Variants in GRID2 observed in about 807,000 individuals in gnomAD.
GRID2 encodes the protein glutamate ionotropic receptor delta type subunit 2.
GRID2 carries 33 observed loss-of-function variants against 114.8 expected under a neutral mutation model. The observed-to-expected ratio is 0.29, with a 90% CI of 0.22 to 0.38. GRID2 has a LOEUF of 0.38. GRID2 is among the 10% of genes least tolerant of loss of function. The pLI is 1.00. For synonymous variants in GRID2, 505 were observed against 449.9 expected (o/e 1.12, Z -1.55); for missense variants, 1,184 against 1,257.7 (o/e 0.94, Z 0.89).
chr4:93,594,143 G>T (rs1239743121), intron 13 of GRID2, among the ~76,000 whole-genome samples: 1 of 152,126 alleles, frequency 6.6e-6, no homozygotes, highest in African/African-American at 2.4e-5. Context: ...GCTTTTTAGA[G>T]TTTCCAGTTT....
At chr4:92,785,691 G>A (rs1391967786) in intron 2 of GRID2, among the ~76,000 whole-genome samples, 26 of 151,704 alleles carry the variant, frequency 1.7e-4, no homozygotes, top group Admixed American at 1.7e-3. Context: ...GTGTAGTTAA[G>A]CTTTTTAAAT....
chr4:92,509,854 A>T (rs903423956), intron 1 of GRID2, among the ~76,000 whole-genome samples: 1 of 151,928 alleles, frequency 6.6e-6, no homozygotes, highest in Non-Finnish European at 1.5e-5. Flanking sequence ...ATCATACTTT[A>T]AAAAATAGAG....
chr4:93,289,207 T>C (rs1340755219), intron 8 of GRID2, among the ~76,000 whole-genome samples: 1 of 152,192 alleles, frequency 6.6e-6, no homozygotes, highest in African/African-American at 2.4e-5. Context: ...CTAGTAGTCG[T>C]TTTGCTTGAA....
chr4:93,637,211 G>A lies in GRID2; in HGVS notation c.2360+10776G>A, dbSNP rs187210433. ...TATGCTGTAGACTAAAATAGTAGTC[G>A]ACATTCATTGAAAACTCACCAGGTG... On this transcript the variant is annotated intron_variant, in intron 14 of 15. Transcript: ENST00000282020. 2.9e-3 allele frequency among the ~76,000 whole-genome samples: 443 copies of A among 152,144 alleles called. 1 individual carries two copies. The highest frequency in any genetic ancestry group is 5.2e-3 in the Non-Finnish European group (356 of 67,994).
chr4:93,019,584 A>G (rs1345716953), intron 2 of GRID2, among the ~76,000 whole-genome samples: 4 of 152,274 alleles, frequency 2.6e-5, no homozygotes, highest in African/African-American at 9.6e-5. Flanking sequence ...TAAAAATAAT[A>G]AAAAAGGGCA....
intron 1 of GRID2, among the ~76,000 whole-genome samples, chr4:92,420,134 T>A (rs1579329458): frequency 6.6e-6 from 1 of 152,108 alleles, no homozygotes; most frequent in Non-Finnish European, 1.5e-5. Context: ...AAAATTTATT[T>A]CCCTTTGGAG....
chr4:93,558,911 G>A (rs1015532911), intron 13 of GRID2, among the ~76,000 whole-genome samples: 2 of 152,126 alleles, frequency 1.3e-5, no homozygotes, highest in East Asian at 1.9e-4. Context: ...TTCATCCCTG[G>A]ATTGCAAAGC....
intron 11 of GRID2, among the ~76,000 whole-genome samples, chr4:93,456,219 A>G (rs886298471): frequency 5.3e-5 from 8 of 152,166 alleles, no homozygotes; most frequent in Admixed American, 1.3e-4. Context: ...GGCAAATGTG[A>G]ATGTCAAAGG....
chr4:93,531,678 A>G (rs1484603187), intron 13 of GRID2, among the ~76,000 whole-genome samples: 1 of 152,090 alleles, frequency 6.6e-6, no homozygotes, highest in African/African-American at 2.4e-5. Context: ...TTCTGCCAAC[A>G]TTGGTGTAAG....
At chr4:92,852,658 A>G (rs1055878193) in intron 2 of GRID2, among the ~76,000 whole-genome samples, 4 of 151,830 alleles carry the variant, frequency 2.6e-5, no homozygotes, top group African/African-American at 9.7e-5. Context: ...CACAGATTCC[A>G]TTAACCATGC....
intron 2 of GRID2, among the ~76,000 whole-genome samples, chr4:92,982,689 A>G (rs1398634069): frequency 6.6e-6 from 1 of 152,116 alleles, no homozygotes; most frequent in Admixed American, 6.6e-5. Flanking sequence ...CTCCATGGAC[A>G]TTCAGATTCC....
intron 4 of GRID2, among the ~76,000 whole-genome samples, chr4:93,130,905 A>G (rs1331665704): frequency 6.6e-6 from 1 of 152,180 alleles, no homozygotes; most frequent in African/African-American, 2.4e-5. Flanking sequence ...GATATATTCC[A>G]GAACGACTGA....
At chr4:92,640,141 A>G (rs7691905) in intron 2 of GRID2, among the ~76,000 whole-genome samples, 45,006 of 151,442 alleles carry the variant, frequency 0.3, 6,707 homozygotes, top group African/African-American at 0.36. Context: ...TTCTTTTAAT[A>G]CCGTTTTACA....
At chr4:92,711,034 G>A (rs1208145130) in intron 2 of GRID2, among the ~76,000 whole-genome samples, 6 of 151,158 alleles carry the variant, frequency 4.0e-5, no homozygotes, top group Admixed American at 2.0e-4. Context: ...TTTCCCTGGA[G>A]GTTAAAAAAT....
chr4:92,643,277 C>T (rs1027585568), intron 2 of GRID2, among the ~76,000 whole-genome samples: 2 of 151,566 alleles, frequency 1.3e-5, no homozygotes, highest in South Asian at 2.1e-4. Context: ...TGATTTATTT[C>T]ACCAGTGTTT....
intron 14 of GRID2, among the ~76,000 whole-genome samples, chr4:93,659,594 A>AT (rs1331167771): frequency 1.3e-5 from 2 of 152,094 alleles, no homozygotes; most frequent in African/African-American, 4.8e-5. Flanking sequence ...CCTTTTTTAG[A>AT]TTTTTTAGAT....
chr4:93,212,550 C>A (rs1305488401), intron 5 of GRID2, among the ~76,000 whole-genome samples: 1 of 152,044 alleles, frequency 6.6e-6, no homozygotes, highest in Non-Finnish European at 1.5e-5. Flanking sequence ...TTAAGTTTTA[C>A]AAAAGTTAGA....
chr4:92,957,291 G>GCATTTT (rs1752477055), intron 2 of GRID2, among the ~76,000 whole-genome samples: 1 of 151,696 alleles, frequency 6.6e-6, no homozygotes, highest in Non-Finnish European at 1.5e-5. Flanking sequence ...TTTGCATTTT[G>GCATTTT]CATTTAGGCC....
At chr4:92,557,630 C>CATATATATATATATGTTTATATATATAT (rs10638716) in intron 1 of GRID2, among the ~76,000 whole-genome samples, 1 of 145,658 alleles carries the variant, frequency 6.9e-6, no homozygotes, top group African/African-American at 2.5e-5. Context: ...TACTTCACTG[C>CATATATATATATATGTTTATATATATAT]ATATATATAT....
Sources: gnomAD v4.1 joint callset for allele counts (sites outside exome capture counted in the v4.1 genomes callset) on GRCh38, gnomAD v4.1.1 for gene constraint, MANE v1.5 for transcripts, NCBI Gene and HGNC (gene_info 2026-07-23, HGNC 2026-07-21) for gene names.